The following HMGXB4 variants were observed in gnomAD, a reference collection of about 807,000 sequenced individuals.
The protein encoded by HMGXB4 is HMG domain-containing protein 4.
Under a neutral mutation model 63.9 loss-of-function variants are expected in HMGXB4, and 27 were observed. That is an observed-to-expected ratio of 0.42 (90% CI 0.31 to 0.58). HMGXB4 has a LOEUF of 0.58. Among genes scored for constraint, HMGXB4 ranks in the 20% least tolerant of loss-of-function variants. The pLI is 0.13. For missense variants in HMGXB4, 624 were observed against 700.7 expected, an observed-to-expected ratio of 0.89 and a Z score of 1.24; for synonymous variants, 264 against 265.3, an observed-to-expected ratio of 0.99 and a Z score of 0.05.
At chr22:35,288,992 T>C (rs2145571568) in intron 9 of HMGXB4, among the ~76,000 whole-genome samples, 1 of 151,842 alleles carries the variant, frequency 6.6e-6, no homozygotes, top group Non-Finnish European at 1.5e-5. Context: ...ATACAAAAAT[T>C]AGCCAGGTGT....
intron 7 of HMGXB4, chr22:35,286,937 GAAC>G (rs1924622994): frequency 6.1e-6 from 1 of 163,048 alleles, no homozygotes; most frequent in Admixed American, 5.9e-5. Flanking sequence ...TCATCTAGAT[GAAC>G]AGCCATTCTT....
intron 3 of HMGXB4, 87 bp downstream of exon 3, chr22:35,263,313 TTC>T: frequency 1.8e-6 from 2 of 1,102,758 alleles, no homozygotes; most frequent in South Asian, 1.6e-5. Flanking sequence ...TTTTTTTTTT[TTC>T]TCTCATGGCC....
chr22:35,272,250 A>G (rs559656109), intron 5 of HMGXB4, among the ~76,000 whole-genome samples: 1 of 152,322 alleles, frequency 6.6e-6, no homozygotes, highest in East Asian at 1.9e-4. Flanking sequence ...AGAGAGGCCA[A>G]GGAGTTCAAG....
chr22:35,257,123 T>A (rs1466405743), upstream of HMGXB4, among the ~76,000 whole-genome samples: 1 of 152,198 alleles, frequency 6.6e-6, no homozygotes. Context: ...TATAACAATA[T>A]CTTGAAAGAA....
chr22:35,280,900 G>A (rs1924203372), intron 5 of HMGXB4, among the ~76,000 whole-genome samples: 1 of 152,070 alleles, frequency 6.6e-6, no homozygotes, highest in Non-Finnish European at 1.5e-5. Context: ...TCCCTAACTT[G>A]GGAAGGCACT....
In HMGXB4 at chr22:35,288,344, T is replaced by C; in HGVS notation, c.1575T>C (p.Ala525=). The C allele has an allele frequency of 1.2e-6, 2 of 1,613,052 alleles. No individual in the cohort carries two copies. The highest frequency in any genetic ancestry group is 1.7e-6 in the Non-Finnish European group (2 of 1,179,368). Reference sequence around the variant, plus strand: ...CTGAGACAGAGCCCATTGATGTTGCTGCTCATCTTCAGCTGTTGGGAGAGT... The same window carrying C: ...CTGAGACAGAGCCCATTGATGTTGCCGCTCATCTTCAGCTGTTGGGAGAGT... The part of the protein sequence containing the change: ...KAPETEPIDV[A]AHLQLLGESL... Residue 525 remains alanine (A), a synonymous_variant, in exon 9 of 11, where the codon GCT becomes GCC. Transcript: ENST00000216106.
At chr22:35,262,458 G>T (rs1568994772) in intron 2 of HMGXB4, 37 bp downstream of exon 2, 12 of 1,598,492 alleles carry the variant, frequency 7.5e-6, no homozygotes, top group Non-Finnish European at 1.0e-5. Context: ...TCCAAAGGGG[G>T]TATCCTCTTC....
intron 9 of HMGXB4, among the ~76,000 whole-genome samples, chr22:35,289,382 C>T (rs1924796104): frequency 6.6e-6 from 1 of 152,084 alleles, no homozygotes; most frequent in African/African-American, 2.4e-5. Context: ...TTGCTTGAGC[C>T]CAGGAGCTCA....
upstream of HMGXB4, among the ~76,000 whole-genome samples, chr22:35,257,174 G>T (rs1321320360): frequency 6.6e-6 from 1 of 152,220 alleles, no homozygotes; most frequent in Non-Finnish European, 1.5e-5. Context: ...TTCAGAATCA[G>T]AAGACTTGGA....
chr22:35,246,517 C>T, the HMGXB4 span, among the ~76,000 whole-genome samples: 1 of 152,182 alleles, frequency 6.6e-6, no homozygotes, highest in African/African-American at 2.4e-5. Context: ...TCGTGTTCCA[C>T]CTGCCTCGGC....
intron 5 of HMGXB4, among the ~76,000 whole-genome samples, chr22:35,267,322 T>A (rs1923326111): frequency 6.6e-6 from 1 of 152,182 alleles, no homozygotes; most frequent in Admixed American, 6.5e-5. Context: ...AATTGCTTTA[T>A]GAAATAAACA....
chr22:35,246,432 C>T, the HMGXB4 span, among the ~76,000 whole-genome samples: 9 of 151,702 alleles, frequency 5.9e-5, no homozygotes, highest in East Asian at 1.9e-4. Flanking sequence ...CCACCATGCC[C>T]GGCTAATTTT....
At chr22:35,263,299 T>C (rs1405878435) in intron 3 of HMGXB4, 73 bp downstream of exon 3, 1 of 1,302,440 alleles carries the variant, frequency 7.7e-7, no homozygotes, top group African/African-American at 1.5e-5. Context: ...AGTTTTTTTT[T>C]GTTTTTTTTT....
intron 5 of HMGXB4, among the ~76,000 whole-genome samples, chr22:35,270,215 A>G (rs367607464): frequency 3.9e-4 from 60 of 152,178 alleles, no homozygotes; most frequent in African/African-American, 1.4e-3. Flanking sequence ...TGTCGCTCAC[A>G]TTACTGCCTG....
At chr22:35,263,302 T>TG (rs1181742337) in intron 3 of HMGXB4, 76 bp downstream of exon 3, 1 of 1,070,614 alleles carries the variant, frequency 9.3e-7, no homozygotes, top group Non-Finnish European at 1.3e-6. Context: ...TTTTTTTTGT[T>TG]TTTTTTTTTT....
Position 35,293,018 on chromosome 22 carries a change from G to T in HMGXB4, c.1665G>T (p.Leu555Phe). Reference sequence around the variant, plus strand: ...GTATGGTGGCTGTGTCTGGCAGTTTGTCAGTGCTTCTGGATTCCATTATCT... The same window carrying T: ...GTATGGTGGCTGTGTCTGGCAGTTTTTCAGTGCTTCTGGATTCCATTATCT... ...TEGMVAVSGS[L>F]SVLLDSIICA... Residue 555 changes from leucine to phenylalanine, a missense_variant, in exon 10 of 11, where the codon TTG (leucine) becomes TTT (phenylalanine). By Grantham distance (22) the Leu-to-Phe change is conservative. Around this residue, in one of 2 missense-constraint regions of HMGXB4, gnomAD observed 152 missense variants for 230.1 expected, o/e 0.66. Coordinates refer to ENST00000216106, the MANE Select transcript of HMGXB4 (RefSeq NM_001003681.3). 2.5e-6 allele frequency: 4 copies of T among 1,614,228 alleles called. No individual in the cohort carries two copies. Among genetic ancestry groups the T allele is most frequent in the Non-Finnish European group, 3.4e-6 (4 of 1,180,036 alleles).
intron 5 of HMGXB4, among the ~76,000 whole-genome samples, chr22:35,273,804 G>A (rs1923744654): frequency 6.6e-6 from 1 of 152,162 alleles, no homozygotes; most frequent in Non-Finnish European, 1.5e-5. Context: ...ACAGCTCATT[G>A]GAGAGCTTCA....
At chr22:35,267,304 A>C (rs971029709) in intron 5 of HMGXB4, among the ~76,000 whole-genome samples, 3 of 152,138 alleles carry the variant, frequency 2.0e-5, no homozygotes, top group African/African-American at 4.8e-5. Flanking sequence ...TCAGTTGTTT[A>C]TTTGGAAAAT....
intron 4 of HMGXB4, 135 bp downstream of exon 4, chr22:35,264,009 T>C (rs1234158920): frequency 1.3e-6 from 2 of 1,556,684 alleles, no homozygotes; most frequent in Non-Finnish European, 8.7e-7. Flanking sequence ...TGAGTGCCGA[T>C]AAACCAGTGT....
Sources: allele counts gnomAD v4.1 joint callset (sites outside exome capture counted in the v4.1 genomes callset), GRCh38; gene constraint gnomAD v4.1.1; regional missense constraint gnomAD v4.1.1; transcripts MANE v1.5; gene names NCBI Gene and HGNC (gene_info 2026-07-23, HGNC 2026-07-21).